GRIK1: variants seen among roughly 807,000 people sequenced by gnomAD.
GRIK1 encodes glutamate receptor ionotropic, kainate 1.
In GRIK1, 69 loss-of-function variants were observed where a neutral mutation model predicts 105.7. The ratio of observed to expected loss-of-function variants is 0.65; its 90% CI spans 0.54 to 0.80. The LOEUF (loss-of-function observed/expected upper bound fraction) is 0.80. Among genes scored for constraint, GRIK1 ranks in the 30% least tolerant of loss-of-function variants. The pLI is 0.00. For synonymous variants in GRIK1, 438 were observed against 431.3 expected, an observed-to-expected ratio of 1.02 and a Z score of -0.19; for missense variants, 1,109 against 1,167.3, an observed-to-expected ratio of 0.95 and a Z score of 0.73.
At chr21:29,800,869 C>A (rs146472639) in intron 1 of GRIK1, among the ~76,000 whole-genome samples, 8 of 152,114 alleles carry the variant, frequency 5.3e-5, no homozygotes, top group African/African-American at 4.8e-5. Context: ...ATGGTCTATA[C>A]CTGAGTGCCT....
chr21:29,907,798 G>A (rs1019633182), intron 1 of GRIK1, among the ~76,000 whole-genome samples: 3 of 152,060 alleles, frequency 2.0e-5, no homozygotes, highest in African/African-American at 7.2e-5. Context: ...GCAAAAAAGA[G>A]CAATTTAGTG....
At chr21:29,615,788 G>A (rs1022738920) in intron 7 of GRIK1, among the ~76,000 whole-genome samples, 14 of 152,080 alleles carry the variant, frequency 9.2e-5, no homozygotes, top group African/African-American at 3.4e-4. Flanking sequence ...ATTTTCCAAC[G>A]TCAAAGGCTT....
intron 1 of GRIK1, among the ~76,000 whole-genome samples, chr21:29,726,482 T>A (rs1002795586): frequency 2.6e-5 from 4 of 152,210 alleles, no homozygotes; most frequent in Admixed American, 6.5e-5. Flanking sequence ...GTGAATAATA[T>A]CGTACACAAA....
chr21:29,865,559 T>C (rs1341102627), intron 1 of GRIK1, among the ~76,000 whole-genome samples: 9 of 152,132 alleles, frequency 5.9e-5, no homozygotes, highest in Non-Finnish European at 4.4e-5. Context: ...GACAAGCAGA[T>C]TTCAGCAAGG....
At chr21:29,783,990 T>TG (rs1468514855) in intron 1 of GRIK1, among the ~76,000 whole-genome samples, 8 of 152,176 alleles carry the variant, frequency 5.3e-5, no homozygotes. Flanking sequence ...GAGTGCTCAG[T>TG]GGCGTGACCT....
At chr21:29,685,809 T>C (rs1034210157) in intron 3 of GRIK1, among the ~76,000 whole-genome samples, 1 of 152,218 alleles carries the variant, frequency 6.6e-6, no homozygotes, top group Non-Finnish European at 1.5e-5. Context: ...ACCCCCGGTA[T>C]CCTACCCCTC....
chr21:29,552,773 C>T (rs537447443), intron 16 of GRIK1, among the ~76,000 whole-genome samples: 1 of 151,972 alleles, frequency 6.6e-6, no homozygotes, highest in Non-Finnish European at 1.5e-5. Flanking sequence ...ATCACCATTC[C>T]TTAGAGACTC....
intron 4 of GRIK1, among the ~76,000 whole-genome samples, chr21:29,672,159 G>T (rs537928778): frequency 4.6e-5 from 7 of 150,940 alleles, no homozygotes; most frequent in African/African-American, 1.7e-4. Flanking sequence ...CTGGGTTCAA[G>T]CGATTCTCCT....
chr21:29,556,791 A>T (rs1364197696), intron 15 of GRIK1, among the ~76,000 whole-genome samples: 1 of 152,232 alleles, frequency 6.6e-6, no homozygotes, highest in Non-Finnish European at 1.5e-5. Context: ...GAATAGAAGG[A>T]TTGAAAGAAA....
chr21:29,827,314 C>T, intron 1 of GRIK1, among the ~76,000 whole-genome samples: 1 of 151,968 alleles, frequency 6.6e-6, no homozygotes, highest in East Asian at 1.9e-4. Flanking sequence ...AATATTAAAA[C>T]CTAATAGAAG....
chr21:29,672,674 G>A (rs912860182), intron 4 of GRIK1, among the ~76,000 whole-genome samples: 2 of 152,160 alleles, frequency 1.3e-5, no homozygotes, highest in South Asian at 4.1e-4. Context: ...GAGAGAGAGA[G>A]AGAGAGATGT....
rs373502935 is a variant in GRIK1, at chr21:29,657,818, C to T, written c.727-2955G>A. The T allele has an allele frequency of 2.6e-5, 4 of 152,308 alleles. No individual in the cohort carries two copies. The East Asian group carries it at 7.7e-4, about 29-fold the overall frequency. 9.4% of individuals were successfully genotyped at this position (152,308 alleles called of 1,614,324 possible). A position where few individuals can be genotyped will look rare whatever the true frequency, so the allele number is the denominator to read the frequency against. ...ATTGTCGCATACTTTGTAAATAAAA[C>T]GATTGCATTCCCATTTTGATTTTCT... On this transcript the variant is annotated intron_variant, in intron 4 of 17. Coordinates refer to ENST00000327783, the MANE Select transcript of GRIK1 (RefSeq NM_001330994.2).
intron 1 of GRIK1, among the ~76,000 whole-genome samples, chr21:29,897,120 G>A (rs568300223): frequency 7.2e-5 from 11 of 152,202 alleles, no homozygotes; most frequent in South Asian, 2.1e-4. Flanking sequence ...ACACAATCTC[G>A]ACCTGATAAT....
At chr21:29,592,335 C>A (rs948118437) in intron 9 of GRIK1, among the ~76,000 whole-genome samples, 5 of 152,178 alleles carry the variant, frequency 3.3e-5, no homozygotes, top group Non-Finnish European at 5.9e-5. Flanking sequence ...ACAAAACCAA[C>A]CATGGCAACT....
At chr21:29,779,652 A>G (rs747333070) in intron 1 of GRIK1, among the ~76,000 whole-genome samples, 1 of 152,216 alleles carries the variant, frequency 6.6e-6, no homozygotes, top group African/African-American at 2.4e-5. Context: ...AATATATAGT[A>G]TGAGCCCAAA....
chr21:29,580,356 T>C lies in GRIK1; in HGVS notation c.1912+1069A>G, dbSNP rs537770015. 2.7e-4 allele frequency among the ~76,000 whole-genome samples: 41 copies of C among 152,080 alleles called. 1 individual carries two copies. The East Asian group carries it at 7.7e-3, about 29-fold the overall frequency. On this transcript the variant is annotated intron_variant, in intron 13 of 17. Transcript: ENST00000327783. The stretch of plus-strand genomic sequence containing the variant: ...TATGCTCTAAATTTATGCAAATTAC[T>C]TCTAGTAAATCAGATGGCATCTATA...
chr21:29,863,304 C>G (rs561787034), intron 1 of GRIK1, among the ~76,000 whole-genome samples: 1 of 152,126 alleles, frequency 6.6e-6, no homozygotes, highest in Admixed American at 6.6e-5. Flanking sequence ...CCATATATCA[C>G]GTGTGTCAAC....
intron 1 of GRIK1, among the ~76,000 whole-genome samples, chr21:29,748,494 C>G (rs1449306985): frequency 6.6e-6 from 1 of 152,176 alleles, no homozygotes; most frequent in Non-Finnish European, 1.5e-5. Flanking sequence ...ATGCATGGCT[C>G]CTTTTATTTC....
chr21:29,597,227 A>G (rs1205294691), intron 8 of GRIK1, among the ~76,000 whole-genome samples: 1 of 152,220 alleles, frequency 6.6e-6, no homozygotes, highest in Non-Finnish European at 1.5e-5. Flanking sequence ...AGCCCAAGAC[A>G]CCTGAAGAAA....
Sources: allele counts gnomAD v4.1 joint callset (sites outside exome capture counted in the v4.1 genomes callset), GRCh38; gene constraint gnomAD v4.1.1; transcripts MANE v1.5; gene names NCBI Gene and HGNC (gene_info 2026-07-23, HGNC 2026-07-21).